ZNF438: variants seen among roughly 807,000 people sequenced by gnomAD.
ZNF438 encodes the protein zinc finger protein 438.
In ZNF438, 25 loss-of-function variants were observed where a neutral mutation model predicts 38.0. That is an observed-to-expected ratio of 0.66 (90% CI 0.48 to 0.92). The LOEUF (loss-of-function observed/expected upper bound fraction) is 0.92, where lower values mean the gene tolerates loss of function less well. Ranked by LOEUF, ZNF438 falls within the 40% of genes least tolerant of loss-of-function variation. The probability of loss-of-function intolerance (pLI) is 0.00; values close to 1 mark genes in which losing one functional copy is unlikely to be tolerated. For synonymous variants in ZNF438, 372 were observed against 364.1 expected (o/e 1.02, Z -0.25); for missense variants, 1,007 against 999.6 (o/e 1.01, Z -0.10).
chr10:30,850,009 T>C, exon 5 of ZNF438: 1 of 1,614,150 alleles, frequency 6.2e-7, no homozygotes, highest in Non-Finnish European at 8.5e-7. Flanking sequence ...TCTTTCTTGA[T>C]GCTTTGCTAT....
chr10:30,955,096 A>T (rs3006360), intron 1 of ZNF438, among the ~76,000 whole-genome samples: 19,328 of 152,170 alleles, frequency 0.13, 1,613 homozygotes, highest in Middle Eastern at 0.24. Context: ...CCTCTTCATT[A>T]TATTGTTGGG....
At chr10:31,007,444 G>C (rs997356250) in intron 1 of ZNF438, among the ~76,000 whole-genome samples, 1 of 151,998 alleles carries the variant, frequency 6.6e-6, no homozygotes, top group Non-Finnish European at 1.5e-5. Context: ...ACCATGCCCT[G>C]CTAATTTTTG....
chr10:30,869,845 T>C (rs909717407), intron 4 of ZNF438, among the ~76,000 whole-genome samples: 6 of 152,232 alleles, frequency 3.9e-5, no homozygotes, highest in Non-Finnish European at 8.8e-5. Context: ...TGGTAATACA[T>C]AGGGAATGAT....
chr10:30,956,579 C>T (rs2048889580), intron 1 of ZNF438, among the ~76,000 whole-genome samples: 1 of 152,172 alleles, frequency 6.6e-6, no homozygotes, highest in Non-Finnish European at 1.5e-5. Flanking sequence ...CTTCCCCACC[C>T]AGTGGTAACC....
intron 2 of ZNF438, among the ~76,000 whole-genome samples, chr10:30,932,585 T>C (rs901948270): frequency 6.6e-6 from 1 of 152,086 alleles, no homozygotes. Context: ...AGCAAATAAG[T>C]TGTGAAGTTG....
intron 1 of ZNF438, among the ~76,000 whole-genome samples, chr10:30,992,589 T>C (rs2053617934): frequency 6.6e-6 from 1 of 152,086 alleles, no homozygotes; most frequent in Admixed American, 6.5e-5. Flanking sequence ...ATTTTTGTAT[T>C]TTTATTAGAG....
At chr10:30,980,252 A>AT (rs940748177) in intron 1 of ZNF438, among the ~76,000 whole-genome samples, 4 of 78,594 alleles carry the variant, frequency 5.1e-5, no homozygotes, top group South Asian at 3.4e-4. Context: ...ACTGTTTAAC[A>AT]TTAAAAAAAA....
chr10:30,987,873 T>C (rs1183606567), intron 1 of ZNF438, among the ~76,000 whole-genome samples: 1 of 152,224 alleles, frequency 6.6e-6, no homozygotes, highest in African/African-American at 2.4e-5. Context: ...CCACCCAGTA[T>C]GTCATATTTT....
At chr10:31,014,713 G>A (rs993574106) in intron 1 of ZNF438, among the ~76,000 whole-genome samples, 3 of 152,066 alleles carry the variant, frequency 2.0e-5, no homozygotes, top group African/African-American at 7.3e-5. Context: ...CAAAACATGA[G>A]CAACAGTACT....
Position 30,974,537 on chromosome 10 carries a change from T to C in ZNF438, c.-191-32886A>G, listed in dbSNP as rs1359823466. ...TCCTCTGAGTCACTCTAGTACCAGATTATTTCCATGTGTTACAATAGGGAC... is the reference window on the plus strand; with the variant it reads ...TCCTCTGAGTCACTCTAGTACCAGACTATTTCCATGTGTTACAATAGGGAC... On this transcript the variant is annotated intron_variant, in intron 1 of 5. Coordinates refer to ENST00000413025, the Ensembl canonical transcript of ZNF438. 2.6e-5 allele frequency among the ~76,000 whole-genome samples: 4 copies of C among 152,196 alleles called. No homozygotes were observed. In the South Asian group the frequency reaches 8.3e-4, roughly 31 times the overall value.
At chr10:30,890,424 G>A (rs1039881198) in intron 3 of ZNF438, among the ~76,000 whole-genome samples, 1 of 152,118 alleles carries the variant, frequency 6.6e-6, no homozygotes, top group Non-Finnish European at 1.5e-5. Flanking sequence ...CAGGTTCCAG[G>A]GTGAAATGTT....
chr10:31,025,352 G>T (rs1024772526), intron 1 of ZNF438, among the ~76,000 whole-genome samples: 1 of 152,134 alleles, frequency 6.6e-6, no homozygotes, highest in African/African-American at 2.4e-5. Context: ...CTAGATGCTA[G>T]GAGTAATGTC....
At chr10:30,856,098 A>T (rs1411565522) in intron 4 of ZNF438, among the ~76,000 whole-genome samples, 2 of 152,200 alleles carry the variant, frequency 1.3e-5, no homozygotes, top group Admixed American at 6.5e-5. Flanking sequence ...TGCATAAATG[A>T]CTGTCTAGAT....
At chr10:31,017,331 A>G (rs2056273274) in intron 1 of ZNF438, among the ~76,000 whole-genome samples, 1 of 152,196 alleles carries the variant, frequency 6.6e-6, no homozygotes, top group African/African-American at 2.4e-5. Context: ...CTGGTCATAC[A>G]TGAAACAAAC....
intron 5 of ZNF438, among the ~76,000 whole-genome samples, chr10:30,847,219 G>C (rs975702337): frequency 6.6e-6 from 1 of 152,336 alleles, no homozygotes; most frequent in African/African-American, 2.4e-5. Context: ...ACTGGAGTGG[G>C]AACTTGTGGT....
chr10:30,964,712 G>A (rs1420490334), intron 1 of ZNF438, among the ~76,000 whole-genome samples: 1 of 152,180 alleles, frequency 6.6e-6, no homozygotes, highest in Non-Finnish European at 1.5e-5. Context: ...AAGGACTTGG[G>A]CACAGAATGT....
intron 4 of ZNF438, among the ~76,000 whole-genome samples, chr10:30,866,280 T>C (rs903116892): frequency 1.3e-5 from 2 of 152,184 alleles, no homozygotes; most frequent in Non-Finnish European, 2.9e-5. Context: ...ACTTTTTTCA[T>C]GGAATACAAT....
chr10:31,016,670 G>A (rs1216575055), intron 1 of ZNF438, among the ~76,000 whole-genome samples: 1 of 152,104 alleles, frequency 6.6e-6, no homozygotes, highest in Admixed American at 6.6e-5. Flanking sequence ...GGGATGGGAG[G>A]GAAAAGAATA....
At chr10:31,022,798 C>T (rs186932581) in intron 1 of ZNF438, among the ~76,000 whole-genome samples, 1 of 152,182 alleles carries the variant, frequency 6.6e-6, no homozygotes, top group African/African-American at 2.4e-5. Context: ...TTGTCAACCA[C>T]CACTTCTTCA....
Sources: allele counts gnomAD v4.1 joint callset (sites outside exome capture counted in the v4.1 genomes callset), GRCh38; gene constraint gnomAD v4.1.1; transcripts MANE v1.5; gene names NCBI Gene and HGNC (gene_info 2026-07-23, HGNC 2026-07-21).